The following SLC25A35 variants were observed in gnomAD, a reference collection of about 807,000 sequenced individuals.
The protein encoded by SLC25A35 is solute carrier family 25 member 35.
In SLC25A35, 32 loss-of-function variants were observed where a neutral mutation model predicts 30.5. The ratio of observed to expected loss-of-function variants is 1.05; its 90% CI spans 0.79 to 1.41. The LOEUF (loss-of-function observed/expected upper bound fraction) is 1.41. Ranked by LOEUF, SLC25A35 falls within the 40% of genes most tolerant of loss-of-function variation. The probability of loss-of-function intolerance (pLI) is 0.00; values close to 1 mark genes in which losing one functional copy is unlikely to be tolerated. For synonymous variants in SLC25A35, 142 were observed against 158.1 expected, an observed-to-expected ratio of 0.90 and a Z score of 0.77; for missense variants, 369 against 388.0, an observed-to-expected ratio of 0.95 and a Z score of 0.41.
downstream of SLC25A35, chr17:8,288,378 C>T (rs1418329198): frequency 3.5e-6 from 1 of 284,242 alleles, no homozygotes; most frequent in African/African-American, 2.2e-5. Context: ...GAGGTGGAGA[C>T]TGCAGTGAGC....
Position 8,291,696 on chromosome 17 carries a change from G to A in SLC25A35, c.442-211C>T, listed in dbSNP as rs564184532. 9.3e-4 allele frequency among the ~76,000 whole-genome samples: 142 copies of A among 152,350 alleles called. 1 individual carries two copies. The highest frequency in any genetic ancestry group is 1.1e-3 in the Non-Finnish European group (72 of 68,038). On this transcript the variant is annotated intron_variant, in intron 2 of 4. Coordinates refer to ENST00000577745, the MANE Select transcript of SLC25A35 (RefSeq NM_001320870.2). ...AAGAACTGGGGCGGGATGTATGCAA[G>A]TGAGGCCATTCACTGGTCAGGAGAA...
chr17:8,289,752 G>A (rs1597442284), downstream of SLC25A35: 1 of 1,613,774 alleles, frequency 6.2e-7, no homozygotes, highest in East Asian at 2.2e-5. Context: ...AACAGGAATT[G>A]GCAATTTCCA....
chr17:8,289,210 G>A (rs1372123380), downstream of SLC25A35: 1 of 1,607,948 alleles, frequency 6.2e-7, no homozygotes, highest in Non-Finnish European at 8.5e-7. Flanking sequence ...GATGCTCCCG[G>A]GGAGGCGACC....
At chr17:8,291,971 C>T (rs1476890131) in intron 2 of SLC25A35, among the ~76,000 whole-genome samples, 1 of 152,200 alleles carries the variant, frequency 6.6e-6, no homozygotes, top group Non-Finnish European at 1.5e-5. Flanking sequence ...ATCACAAGTT[C>T]AGGAGTTCGA....
rs1471394292 is a variant in SLC25A35, at chr17:8,294,362, T to C, written c.375+71A>G. 22 of 1,478,394 alleles carry C rather than the reference T, an allele frequency of 1.5e-5. No homozygotes were observed. In the East Asian group the frequency reaches 4.6e-4, roughly 31 times the overall value. 91.6% of individuals were successfully genotyped at this position (1,478,394 alleles called of 1,614,324 possible). Reference sequence around the variant, plus strand: ...GGCAGCACTCTGCCACCTATGCCCTTGGGAAAGAACAGCTCCTATCCTACA... The same window carrying C: ...GGCAGCACTCTGCCACCTATGCCCTCGGGAAAGAACAGCTCCTATCCTACA... On this transcript the variant is annotated intron_variant, in intron 1 of 4. Coordinates refer to ENST00000577745, the MANE Select transcript of SLC25A35 (RefSeq NM_001320870.2).
downstream of SLC25A35, chr17:8,289,580 T>C (rs140312984): frequency 1.5e-5 from 24 of 1,612,820 alleles, no homozygotes; most frequent in East Asian, 3.1e-4. Context: ...TTACCTTCAA[T>C]CAGCCCCCGT....
At chr17:8,289,385 A>G, downstream of SLC25A35, 1 of 1,614,116 alleles carries the variant, frequency 6.2e-7, no homozygotes, top group South Asian at 1.1e-5. Context: ...CCTCTCTGGC[A>G]AGCAGCAGAT....
chr17:8,291,008 C>G, intron 3 of SLC25A35, 32 bp from the exon 4 acceptor site: 1 of 1,612,460 alleles, frequency 6.2e-7, no homozygotes, highest in Non-Finnish European at 8.5e-7. Flanking sequence ...GCGTTGTCAA[C>G]CAGCCAACTA....
intron 2 of SLC25A35, among the ~76,000 whole-genome samples, chr17:8,291,822 G>A (rs950650000): frequency 6.6e-6 from 1 of 152,184 alleles, no homozygotes; most frequent in African/African-American, 2.4e-5. Context: ...GGCCCAGGCG[G>A]GTGGATCACC....
chr17:8,288,802 G>A, downstream of SLC25A35: 1 of 1,614,156 alleles, frequency 6.2e-7, no homozygotes. Flanking sequence ...GAGCCCACGA[G>A]AGACTGCCCG....
At position 8,290,693 on chromosome 17, in the gene SLC25A35, G is replaced by C. The variant is rs1990422423; in HGVS notation, c.730-15C>G. 6.3e-6 allele frequency: 10 copies of C among 1,596,424 alleles called. No individual in the cohort carries two copies. Among genetic ancestry groups the C allele is most frequent in the Non-Finnish European group, 8.5e-6 (10 of 1,176,506 alleles). On this transcript the variant is annotated splice_polypyrimidine_tract_variant and intron_variant, in intron 4 of 4. Coordinates refer to ENST00000577745, the MANE Select transcript of SLC25A35 (RefSeq NM_001320870.2). ...TACATGAGGCCCTGAGAGTGTGTCA[G>C]AGAGGGAGGGAGAGCACAGAGAAGG...
chr17:8,293,738 A>G (rs1990662118), intron 1 of SLC25A35, among the ~76,000 whole-genome samples: 1 of 149,450 alleles, frequency 6.7e-6, no homozygotes, highest in South Asian at 2.1e-4. Flanking sequence ...TTTTTAGTAG[A>G]GACGGGGTTT....
Position 8,295,172 on chromosome 17 carries a change from T to C in SLC25A35, c.-365A>G, listed in dbSNP as rs1990776817. Reference sequence around the variant, plus strand: ...AGGAGGGAATCGCGGGGTTGGGAGATGGAAGCCAGGGAGGCAGGAAGAAGA... The same window carrying C: ...AGGAGGGAATCGCGGGGTTGGGAGACGGAAGCCAGGGAGGCAGGAAGAAGA... On this transcript the variant is annotated 5_prime_UTR_variant, in exon 1 of 5. Transcript: ENST00000577745. 1 of 1,025,252 alleles carries C rather than the reference T, an allele frequency of 9.8e-7. No individual in the cohort carries two copies. The highest frequency in any genetic ancestry group is 1.2e-6 in the Non-Finnish European group (1 of 856,424). The allele number at this position is 1,025,252 out of a possible 1,614,324, so 63.5% of individuals were successfully genotyped here. A position where few individuals can be genotyped will look rare whatever the true frequency, so the allele number is the denominator to read the frequency against.
At position 8,290,648 on chromosome 17, in the gene SLC25A35, G is replaced by A; in HGVS notation, c.760C>T (p.Leu254=). ...GLMYRGILDA[L]LQTARTEGIF... ...CCCTCGGTCCGAGCTGTCTGCAGCA[G>A]AGCGTCCAGTATCCCCCGGTACATG... The change falls in exon 5 of 5, where the codon CTG becomes TTG. Residue 254 remains leucine (L), a synonymous_variant. Coordinates refer to ENST00000577745, the MANE Select transcript of SLC25A35 (RefSeq NM_001320870.2). The A allele has an allele frequency of 6.4e-7, 1 of 1,555,060 alleles. No homozygotes were observed. Among genetic ancestry groups the A allele is most frequent in the Non-Finnish European group, 8.6e-7 (1 of 1,156,446 alleles).
Position 8,292,602 on chromosome 17 carries a change from A to C in SLC25A35, c.376-14T>G. The C allele has an allele frequency of 6.2e-7, 1 of 1,613,842 alleles. No homozygotes were observed. The highest frequency in any genetic ancestry group is 8.5e-7 in the Non-Finnish European group (1 of 1,179,826). ...GTGTGTCTTCACCTGGGAACAAGAGAATATCATAGCCTGTGCCCCAGTGGC... is the reference window on the plus strand; with the variant it reads ...GTGTGTCTTCACCTGGGAACAAGAGCATATCATAGCCTGTGCCCCAGTGGC... On this transcript the variant is annotated splice_polypyrimidine_tract_variant and intron_variant, in intron 1 of 4. Coordinates refer to ENST00000577745, the MANE Select transcript of SLC25A35 (RefSeq NM_001320870.2).
At chr17:8,290,023 T>G (rs760972674), downstream of SLC25A35, 4 of 1,604,990 alleles carry the variant, frequency 2.5e-6, no homozygotes, top group South Asian at 4.4e-5. Context: ...GGGTTTCCTC[T>G]TATTTCTTCC....
intron 1 of SLC25A35, among the ~76,000 whole-genome samples, chr17:8,292,892 T>C (rs999457083): frequency 6.6e-6 from 1 of 152,168 alleles, no homozygotes; most frequent in Non-Finnish European, 1.5e-5. Flanking sequence ...AGGCTGTTCA[T>C]GTTAGGCAAG....
downstream of SLC25A35, chr17:8,289,928 C>A (rs2151611483): frequency 6.2e-7 from 1 of 1,614,102 alleles, no homozygotes; most frequent in East Asian, 2.2e-5. Flanking sequence ...CATCTTTGGT[C>A]CCCAGTAAAG....
At chr17:8,291,061 A>ATGCTGG in intron 3 of SLC25A35, 85 bp from the exon 4 acceptor site, 1 of 1,551,148 alleles carries the variant, frequency 6.4e-7, no homozygotes, top group Non-Finnish European at 8.8e-7. Flanking sequence ...GGGGACACAG[A>ATGCTGG]TGCTGGTAAC....
Sources: gnomAD v4.1 joint callset for allele counts (sites outside exome capture counted in the v4.1 genomes callset) on GRCh38, gnomAD v4.1.1 for gene constraint, MANE v1.5 for transcripts, NCBI Gene and HGNC (gene_info 2026-07-23, HGNC 2026-07-21) for gene names.